The following KLF12 variants were observed in gnomAD, a reference collection of about 807,000 sequenced individuals.
KLF12 encodes Krueppel-like factor 12.
In KLF12, 9 loss-of-function variants were observed where a neutral mutation model predicts 37.8. The ratio of observed to expected loss-of-function variants is 0.24; its 90% CI spans 0.14 to 0.42. The LOEUF is 0.42. Ranked by LOEUF, KLF12 falls within the 10% of genes least tolerant of loss-of-function variation. The probability of loss-of-function intolerance (pLI) is 1.00; values close to 1 mark genes in which losing one functional copy is unlikely to be tolerated. For synonymous variants in KLF12, 208 were observed against 202.1 expected, an observed-to-expected ratio of 1.03 and a Z score of -0.25; for missense variants, 411 against 516.0, an observed-to-expected ratio of 0.80 and a Z score of 1.97.
chr13:73,969,441 T>C (rs1263192350), intron 2 of KLF12, among the ~76,000 whole-genome samples: 1 of 152,218 alleles, frequency 6.6e-6, no homozygotes, highest in Admixed American at 6.5e-5. Flanking sequence ...ACCACTGGGA[T>C]TTTTTACACT....
intron 4 of KLF12, among the ~76,000 whole-genome samples, chr13:73,821,649 G>A (rs1179401030): frequency 6.6e-6 from 1 of 152,128 alleles, no homozygotes; most frequent in African/African-American, 2.4e-5. Flanking sequence ...CTTTCCTTAA[G>A]ACATTCCTTA....
At chr13:74,072,240 T>A (rs1485220120) in intron 1 of KLF12, among the ~76,000 whole-genome samples, 1 of 151,400 alleles carries the variant, frequency 6.6e-6, no homozygotes, top group Admixed American at 6.6e-5. Flanking sequence ...TAATGGAGTG[T>A]CTGGAATATG....
chr13:74,063,066 C>T (rs12870329), intron 1 of KLF12, among the ~76,000 whole-genome samples: 13,206 of 152,206 alleles, frequency 0.087, 763 homozygotes, highest in Non-Finnish European at 0.13. Flanking sequence ...CCTCTCTCTC[C>T]GAGCTTCCTC....
intron 7 of KLF12, among the ~76,000 whole-genome samples, chr13:73,709,020 T>G (rs989361238): frequency 6.6e-6 from 1 of 152,194 alleles, no homozygotes; most frequent in African/African-American, 2.4e-5. Flanking sequence ...CCTTAAATGA[T>G]TAAGCACAAG....
At chr13:73,815,815 C>G (rs1167979160) in intron 4 of KLF12, among the ~76,000 whole-genome samples, 4 of 152,134 alleles carry the variant, frequency 2.6e-5, no homozygotes, top group Admixed American at 2.6e-4. Context: ...AAGATAGAGG[C>G]AGTTAACCAT....
chr13:73,943,595 C>T (rs1283337484), intron 3 of KLF12, among the ~76,000 whole-genome samples: 2 of 152,152 alleles, frequency 1.3e-5, no homozygotes, highest in Non-Finnish European at 2.9e-5. Context: ...ATTCTCATAG[C>T]GGTACTTTGT....
At chr13:73,890,652 CA>C (rs560868859) in intron 3 of KLF12, among the ~76,000 whole-genome samples, 193 of 151,842 alleles carry the variant, frequency 1.3e-3, no homozygotes, top group African/African-American at 4.5e-3. Flanking sequence ...CAGACTAGAC[CA>C]AATCAGAATG....
intron 1 of KLF12, among the ~76,000 whole-genome samples, chr13:74,065,083 T>A (rs776185168): frequency 6.6e-6 from 1 of 152,106 alleles, no homozygotes; most frequent in Non-Finnish European, 1.5e-5. Flanking sequence ...AACATTATAC[T>A]CCCATATCCT....
the KLF12 span, among the ~76,000 whole-genome samples, chr13:74,157,892 C>A: frequency 1.3e-5 from 2 of 152,316 alleles, no homozygotes; most frequent in African/African-American, 4.8e-5. Context: ...CCCTCACAAC[C>A]AGCCCTCTTC....
At chr13:73,887,861 C>T (rs1887306740) in intron 3 of KLF12, among the ~76,000 whole-genome samples, 1 of 152,084 alleles carries the variant, frequency 6.6e-6, no homozygotes, top group African/African-American at 2.4e-5. Flanking sequence ...AAACAGCTCT[C>T]TTAGGAAAAC....
At chr13:74,218,319 A>G in the KLF12 span, among the ~76,000 whole-genome samples, 1 of 152,150 alleles carries the variant, frequency 6.6e-6, no homozygotes, top group Admixed American at 6.5e-5. Context: ...AGGCAAATGA[A>G]AAGGGAGTGC....
In KLF12 at chr13:73,986,116, A is replaced by G. The variant is rs548743382; in HGVS notation, c.33+8874T>C. ...TTCAGTTTTATCAGATACGCTACAA[A>G]TAACAACATTCAAAAACAAAGGAAA... is the stretch of plus-strand genomic sequence containing the variant. On this transcript the variant is annotated intron_variant, in intron 2 of 7. Transcript: ENST00000377669. Among the ~76,000 whole-genome samples, 172 of 152,324 alleles carry G rather than the reference A, an allele frequency of 1.1e-3. 1 individual carries two copies. The highest frequency in any genetic ancestry group is 3.8e-3 in the African/African-American group (160 of 41,580).
rs1355159253 is a variant in KLF12, at chr13:73,694,429, T to C, written c.*1061A>G. The C allele has an allele frequency of 6.6e-6, 1 of 152,574 alleles. No homozygotes were observed. Among genetic ancestry groups the C allele is most frequent in the Non-Finnish European group, 1.5e-5 (1 of 68,024 alleles). The allele number at this position is 152,574 out of a possible 1,614,324, so 9.5% of individuals were successfully genotyped here. ...ACAATCCCTTTAGTAAGTATGAAAA[T>C]TGGTAACGTGAGTCCTCAGTGAAGT... On this transcript the variant is annotated 3_prime_UTR_variant, in exon 8 of 8. Coordinates refer to ENST00000377669, the MANE Select transcript of KLF12 (RefSeq NM_007249.5).
At chr13:73,889,736 T>A (rs891847900) in intron 3 of KLF12, among the ~76,000 whole-genome samples, 2 of 152,084 alleles carry the variant, frequency 1.3e-5, no homozygotes, top group African/African-American at 2.4e-5. Flanking sequence ...AATAAAGGGC[T>A]AACAGAGTAA....
chr13:73,835,915 T>C (rs1884405380), intron 4 of KLF12, among the ~76,000 whole-genome samples: 1 of 152,192 alleles, frequency 6.6e-6, no homozygotes. Flanking sequence ...TTTAGTCTAC[T>C]GTAAACTAGA....
intron 6 of KLF12, among the ~76,000 whole-genome samples, chr13:73,726,000 C>A (rs955524438): frequency 2.0e-5 from 3 of 152,054 alleles, no homozygotes; most frequent in African/African-American, 7.2e-5. Context: ...TCCCAAGTAG[C>A]TGGGGTTACA....
chr13:74,218,960 G>A, the KLF12 span, among the ~76,000 whole-genome samples: 1 of 88,672 alleles, frequency 1.1e-5, no homozygotes, highest in African/African-American at 4.9e-5. Flanking sequence ...ATAAAAATAA[G>A]AGTTTTTTTT....
Position 73,933,722 on chromosome 13 carries a change from A to G in KLF12, c.123+10259T>C, listed in dbSNP as rs370813775. ...TTAAAAATCACTGCCCCTTTGAACT[A>G]TACAAAGCAATCTGCTCAAGTCTCC... On this transcript the variant is annotated intron_variant, in intron 3 of 7. Transcript: ENST00000377669. 3.3e-5 allele frequency among the ~76,000 whole-genome samples: 5 copies of G among 152,306 alleles called. No homozygotes were observed. In the East Asian group the frequency reaches 7.7e-4, roughly 23 times the overall value.
intron 6 of KLF12, among the ~76,000 whole-genome samples, chr13:73,746,333 T>C (rs1434357171): frequency 2.0e-5 from 3 of 152,188 alleles, no homozygotes; most frequent in African/African-American, 7.2e-5. Context: ...ATATGTTAAA[T>C]TGGTGAGGAA....
Sources: gnomAD v4.1 joint callset for allele counts (sites outside exome capture counted in the v4.1 genomes callset) on GRCh38, gnomAD v4.1.1 for gene constraint, MANE v1.5 for transcripts, NCBI Gene and HGNC (gene_info 2026-07-23, HGNC 2026-07-21) for gene names.